The following TENM2 variants were observed in gnomAD, a reference collection of about 807,000 sequenced individuals.
The protein encoded by TENM2 is teneurin-2.
Under a neutral mutation model 245.2 loss-of-function variants are expected in TENM2, and 52 were observed. That is an observed-to-expected ratio of 0.21 (90% CI 0.17 to 0.27). The LOEUF is 0.27. Among genes scored for constraint, TENM2 ranks in the 10% least tolerant of loss-of-function variants. TENM2 has a pLI of 1.00. For synonymous variants in TENM2, 1,363 were observed against 1,438.9 expected (o/e 0.95, Z 1.19); for missense variants, 3,046 against 3,666.8 (o/e 0.83, Z 4.37).
chr5:167,210,458 T>TTA, the TENM2 span, among the ~76,000 whole-genome samples: 5 of 146,320 alleles, frequency 3.4e-5, no homozygotes, highest in African/African-American at 1.3e-4. Context: ...TGCATTTTTT[T>TTA]TTTTTTTTTT....
intron 2 of TENM2, among the ~76,000 whole-genome samples, chr5:167,531,721 G>A (rs1449676117): frequency 6.6e-6 from 1 of 151,960 alleles, no homozygotes; most frequent in Non-Finnish European, 1.5e-5. Context: ...AGATCATGTG[G>A]CATTTGTCTT....
intron 3 of TENM2, among the ~76,000 whole-genome samples, chr5:167,934,660 G>T (rs1414889601): frequency 6.6e-6 from 1 of 152,218 alleles, no homozygotes; most frequent in Non-Finnish European, 1.5e-5. Context: ...GTATTAACCA[G>T]ACTGGCAGTG....
intron 2 of TENM2, among the ~76,000 whole-genome samples, chr5:167,708,277 T>G (rs2150472621): frequency 6.6e-6 from 1 of 152,230 alleles, no homozygotes; most frequent in African/African-American, 2.4e-5. Context: ...GGCTATATTA[T>G]ATATACATAC....
rs571732402 is a variant in TENM2 at position 168,052,252 on chromosome 5, G to C, written c.1309+4703G>C. 5.1e-4 allele frequency among the ~76,000 whole-genome samples: 78 copies of C among 151,962 alleles called. 1 individual carries two copies. The Middle Eastern group carries it at 0.014, about 27-fold the overall frequency. ...AATACAAAAAAAAAGTTAGCCAGGC[G>C]GGGTGGTGGGTGCCTGTAGTCCCAG... is the stretch of plus-strand genomic sequence containing the variant. On this transcript the variant is annotated intron_variant, in intron 6 of 28. Coordinates refer to ENST00000518659, the Ensembl canonical transcript of TENM2.
chr5:167,011,684 T>C, the TENM2 span, among the ~76,000 whole-genome samples: 1 of 152,208 alleles, frequency 6.6e-6, no homozygotes, highest in Admixed American at 6.5e-5. Context: ...ACAAGAAAAT[T>C]TGAGACTACC....
intron 1 of TENM2, among the ~76,000 whole-genome samples, chr5:167,307,339 G>A (rs1230924523): frequency 2.0e-5 from 3 of 152,160 alleles, no homozygotes; most frequent in African/African-American, 7.2e-5. Flanking sequence ...CATCTCTGAT[G>A]TCTGTGATTT....
chr5:168,230,127 G>GCA (rs1209813729), intron 25 of TENM2, among the ~76,000 whole-genome samples: 1 of 152,146 alleles, frequency 6.6e-6, no homozygotes, highest in Non-Finnish European at 1.5e-5. Context: ...CCCAAGTTAG[G>GCA]CACACAAGTC....
chr5:167,222,661 G>A, the TENM2 span, among the ~76,000 whole-genome samples: 10 of 152,164 alleles, frequency 6.6e-5, no homozygotes, highest in East Asian at 1.9e-4. Flanking sequence ...TTGGCTGCTC[G>A]GAAACATGCA....
chr5:167,041,071 A>G, the TENM2 span, among the ~76,000 whole-genome samples: 2 of 152,210 alleles, frequency 1.3e-5, no homozygotes, highest in Non-Finnish European at 2.9e-5. Context: ...GCAGAATACA[A>G]TAAACTAAGG....
intron 2 of TENM2, among the ~76,000 whole-genome samples, chr5:167,782,274 C>A: frequency 7.5e-6 from 1 of 133,170 alleles, no homozygotes; most frequent in Non-Finnish European, 1.5e-5. Flanking sequence ...GATCGTGCCA[C>A]TGCACTCCAG....
intron 2 of TENM2, among the ~76,000 whole-genome samples, chr5:167,560,760 C>A (rs1392903445): frequency 6.6e-6 from 1 of 152,166 alleles, no homozygotes; most frequent in East Asian, 1.9e-4. Context: ...ATCATTTCAG[C>A]CAGTAGGTTC....
the TENM2 span, among the ~76,000 whole-genome samples, chr5:167,276,814 G>C: frequency 6.6e-6 from 1 of 151,940 alleles, no homozygotes; most frequent in Non-Finnish European, 1.5e-5. Context: ...TTGTTGTATG[G>C]TTATTTTTTA....
At chr5:168,124,231 C>G (rs1210673199) in intron 10 of TENM2, among the ~76,000 whole-genome samples, 1 of 152,228 alleles carries the variant, frequency 6.6e-6, no homozygotes, top group African/African-American at 2.4e-5. Flanking sequence ...CCCAACTTCG[C>G]CTCTTCTATA....
At chr5:168,213,805 A>G (rs983931051) in intron 20 of TENM2, among the ~76,000 whole-genome samples, 2 of 152,336 alleles carry the variant, frequency 1.3e-5, no homozygotes, top group South Asian at 2.1e-4. Context: ...CTGCTCTCCA[A>G]TGAGACCCTG....
At chr5:167,863,843 T>C (rs1772063391) in intron 2 of TENM2, among the ~76,000 whole-genome samples, 1 of 151,934 alleles carries the variant, frequency 6.6e-6, no homozygotes, top group African/African-American at 2.4e-5. Context: ...CTAGTGGAGA[T>C]TTTTCAGATA....
At chr5:168,172,683 C>T (rs572767939) in intron 13 of TENM2, among the ~76,000 whole-genome samples, 2 of 152,312 alleles carry the variant, frequency 1.3e-5, no homozygotes, top group Admixed American at 6.5e-5. Context: ...TTGCAGCATG[C>T]TTAAAAATAC....
At chr5:167,781,812 T>C (rs1420837811) in intron 2 of TENM2, among the ~76,000 whole-genome samples, 1 of 141,246 alleles carries the variant, frequency 7.1e-6, no homozygotes, top group Non-Finnish European at 1.5e-5. Flanking sequence ...AGTCCAGGAG[T>C]TCAAGACCAG....
chr5:167,907,352 C>T (rs1177670561), intron 3 of TENM2, among the ~76,000 whole-genome samples: 1 of 151,176 alleles, frequency 6.6e-6, no homozygotes, highest in Non-Finnish European at 1.5e-5. Context: ...TAAAAACTCA[C>T]AGACCCTTGT....
At position 167,845,075 on chromosome 5, in the gene TENM2, G is replaced by A. The variant is rs553715587; in HGVS notation, c.503-30911G>A. Among the ~76,000 whole-genome samples, 20 of 152,136 alleles carry A rather than the reference G, an allele frequency of 1.3e-4. No homozygotes were observed. The South Asian group carries it at 2.7e-3, about 21-fold the overall frequency. ...CAAGGAGACCCATCCAGAAGCCAACGTTCAGTCTTGTTTGTCATTTTTTCC... is the reference window on the plus strand; with the variant it reads ...CAAGGAGACCCATCCAGAAGCCAACATTCAGTCTTGTTTGTCATTTTTTCC... On this transcript the variant is annotated intron_variant, in intron 2 of 28. Coordinates refer to ENST00000518659, the Ensembl canonical transcript of TENM2.
Sources: gnomAD v4.1 joint callset for allele counts (sites outside exome capture counted in the v4.1 genomes callset) on GRCh38, gnomAD v4.1.1 for gene constraint, MANE v1.5 for transcripts, NCBI Gene and HGNC (gene_info 2026-07-23, HGNC 2026-07-21) for gene names.